Variants in EYS observed in about 807,000 individuals in gnomAD.
The protein encoded by EYS is protein eyes shut homolog.
Under a neutral mutation model 282.1 loss-of-function variants are expected in EYS, and 250 were observed. The observed-to-expected ratio is 0.89, with a 90% CI of 0.80 to 0.98. The LOEUF (loss-of-function observed/expected upper bound fraction) is 0.98, where lower values mean the gene tolerates loss of function less well. EYS is among the 50% of genes least tolerant of loss of function. The pLI is 0.00. For synonymous variants in EYS, 1,355 were observed against 1,282.9 expected (o/e 1.06, Z -1.20); for missense variants, 4,016 against 3,709.0 (o/e 1.08, Z -2.15).
rs182649594 is a variant in EYS, at chr6:64,499,475, G to A, written c.5645-60123C>T. On this transcript the variant is annotated intron_variant, in intron 26 of 42. Transcript: ENST00000503581. ...TTTGTTTTAAATCTAGACTTTTGGA[G>A]TCTTGCTGCTATGGCATGCCTGTGC... Among the ~76,000 whole-genome samples the A allele has an allele frequency of 5.3e-5, 8 of 152,286 alleles. No homozygotes were observed. The East Asian group carries it at 5.8e-4, about 11-fold the overall frequency.
At chr6:64,848,275 A>G (rs1765776665) in intron 19 of EYS, among the ~76,000 whole-genome samples, 1 of 151,760 alleles carries the variant, frequency 6.6e-6, no homozygotes, top group Non-Finnish European at 1.5e-5. Flanking sequence ...AGTCTTTAAG[A>G]ATAATATTAT....
chr6:63,823,828 T>G (rs141342137), intron 36 of EYS, among the ~76,000 whole-genome samples: 39 of 152,336 alleles, frequency 2.6e-4, no homozygotes, highest in Non-Finnish European at 2.9e-4. Context: ...GATTCCCCTT[T>G]CCTAAGTTAC....
At position 64,210,539 on chromosome 6, in the gene EYS, T is replaced by C. The variant is rs564289865; in HGVS notation, c.6424+20053A>G. 5.3e-5 allele frequency among the ~76,000 whole-genome samples: 8 copies of C among 152,284 alleles called. No homozygotes were observed. In the South Asian group the frequency reaches 1.7e-3, roughly 32 times the overall value. ...CATTTTGACTTCATCACCTCTTTAA[T>C]GCCCTATCTCCAAATATAGTCACAT... On this transcript the variant is annotated intron_variant, in intron 31 of 42. Coordinates refer to ENST00000503581, the MANE Select transcript of EYS (RefSeq NM_001142800.2).
chr6:63,956,848 C>T (rs1013417134), intron 35 of EYS, among the ~76,000 whole-genome samples: 1 of 152,156 alleles, frequency 6.6e-6, no homozygotes. Context: ...GATAGTGTGA[C>T]TAAAATTTTT....
intron 12 of EYS, among the ~76,000 whole-genome samples, chr6:65,289,401 T>G (rs935451656): frequency 3.3e-5 from 5 of 151,000 alleles, no homozygotes; most frequent in Non-Finnish European, 6.0e-5. Flanking sequence ...TAGCTACACT[T>G]TAAAACCACA....
intron 22 of EYS, among the ~76,000 whole-genome samples, chr6:64,782,369 C>T (rs1448684367): frequency 2.0e-5 from 3 of 152,066 alleles, no homozygotes; most frequent in Admixed American, 6.6e-5. Flanking sequence ...AGTCAATACC[C>T]TATTTAGGGT....
At chr6:64,105,645 A>G (rs554217685) in intron 31 of EYS, among the ~76,000 whole-genome samples, 8 of 151,952 alleles carry the variant, frequency 5.3e-5, no homozygotes, top group Non-Finnish European at 5.9e-5. Context: ...CTTTCACTAT[A>G]GTTTTGCCTT....
chr6:64,020,333 A>G (rs55753033), intron 33 of EYS, among the ~76,000 whole-genome samples: 1,535 of 152,302 alleles, frequency 0.01, 20 homozygotes, highest in Non-Finnish European at 0.018. Flanking sequence ...ACCTATAAAT[A>G]TGTATAAATG....
chr6:64,333,458 G>C (rs1770715635), intron 29 of EYS, among the ~76,000 whole-genome samples: 1 of 152,146 alleles, frequency 6.6e-6, no homozygotes, highest in Non-Finnish European at 1.5e-5. Flanking sequence ...AGAGTGCCCT[G>C]ATTGTTAAAA....
chr6:65,539,405 A>G (rs932036806), intron 2 of EYS, among the ~76,000 whole-genome samples: 2 of 152,218 alleles, frequency 1.3e-5, no homozygotes, highest in African/African-American at 2.4e-5. Flanking sequence ...ATAGAAGACT[A>G]ATCAGATAGC....
At chr6:65,469,327 C>T (rs966863294) in intron 5 of EYS, among the ~76,000 whole-genome samples, 6 of 151,860 alleles carry the variant, frequency 4.0e-5, no homozygotes, top group African/African-American at 1.5e-4. Context: ...AAACTGAAAA[C>T]GTTTAAAACA....
chr6:65,472,674 G>A (rs920166013), intron 5 of EYS, among the ~76,000 whole-genome samples: 1 of 151,926 alleles, frequency 6.6e-6, no homozygotes, highest in Non-Finnish European at 1.5e-5. Flanking sequence ...ATGAGATAAA[G>A]TTCAAAGAGA....
At chr6:65,555,784 TA>T (rs1768776570) in intron 2 of EYS, among the ~76,000 whole-genome samples, 1 of 152,216 alleles carries the variant, frequency 6.6e-6, no homozygotes, top group South Asian at 2.1e-4. Flanking sequence ...ATTAGACATG[TA>T]AAATTTGAGT....
At chr6:65,098,048 A>G (rs762454148) in intron 12 of EYS, among the ~76,000 whole-genome samples, 1 of 150,528 alleles carries the variant, frequency 6.6e-6, no homozygotes, top group Non-Finnish European at 1.5e-5. Flanking sequence ...TAGGATCGTC[A>G]TATCTCAAAA....
intron 12 of EYS, among the ~76,000 whole-genome samples, chr6:65,248,063 C>A (rs12193329): frequency 0.042 from 6,388 of 151,986 alleles, 182 homozygotes; most frequent in Middle Eastern, 0.065. Flanking sequence ...GAAAGAAAAG[C>A]AAAAGATACT....
At chr6:64,810,547 C>T (rs1764562506) in intron 22 of EYS, among the ~76,000 whole-genome samples, 1 of 151,970 alleles carries the variant, frequency 6.6e-6, no homozygotes, top group African/African-American at 2.4e-5. Flanking sequence ...AAAAAAATTA[C>T]AGGCAATTTT....
chr6:64,459,962 AC>A (rs1288585525), intron 26 of EYS, among the ~76,000 whole-genome samples: 2 of 149,480 alleles, frequency 1.3e-5, no homozygotes, highest in Non-Finnish European at 3.0e-5. Context: ...AAAAAAAAAG[AC>A]AAAACCCCAA....
rs1279416487 is a variant in EYS at position 65,326,049 on chromosome 6, C to A, written c.1766+8931G>T. Among the ~76,000 whole-genome samples, 3 of 152,118 alleles carry A rather than the reference C, an allele frequency of 2.0e-5. No homozygotes were observed. The East Asian group carries it at 5.8e-4, about 29-fold the overall frequency. On this transcript the variant is annotated intron_variant, in intron 11 of 42. Coordinates refer to ENST00000503581, the MANE Select transcript of EYS (RefSeq NM_001142800.2). ...AATGGGTTTTGGAAAAAATAGAAAC[C>A]CATGCACTACATTGGCTATATTTAA...
intron 27 of EYS, among the ~76,000 whole-genome samples, chr6:64,437,936 G>T (rs9359927): frequency 0.28 from 41,930 of 151,324 alleles, 5,941 homozygotes; most frequent in East Asian, 0.46. Context: ...CATCATAAAA[G>T]AAATGGTAGC....
Sources: gnomAD v4.1 joint callset for allele counts (sites outside exome capture counted in the v4.1 genomes callset) on GRCh38, gnomAD v4.1.1 for gene constraint, MANE v1.5 for transcripts, NCBI Gene and HGNC (gene_info 2026-07-23, HGNC 2026-07-21) for gene names.